The following DSCAML1 variants were observed in gnomAD, a reference collection of about 807,000 sequenced individuals.
DSCAML1 encodes the protein cell adhesion molecule DSCAML1.
DSCAML1 carries 38 observed loss-of-function variants against 200.5 expected under a neutral mutation model. The observed-to-expected ratio is 0.19, with a 90% CI of 0.15 to 0.25. DSCAML1 has a LOEUF of 0.25. DSCAML1 is among the 10% of genes least tolerant of loss of function. The probability of loss-of-function intolerance (pLI) is 1.00; values close to 1 mark genes in which losing one functional copy is unlikely to be tolerated. For synonymous variants in DSCAML1, 1,215 were observed against 1,165.0 expected (o/e 1.04, Z -0.87); for missense variants, 2,223 against 2,858.8 (o/e 0.78, Z 5.07).
intron 4 of DSCAML1, among the ~76,000 whole-genome samples, chr11:117,525,489 A>G (rs2137326361): frequency 6.6e-6 from 1 of 151,698 alleles, no homozygotes; most frequent in East Asian, 1.9e-4. Context: ...TGGAGTCTCA[A>G]TCACTCTGTC....
chr11:117,477,093 G>C (rs182070597), intron 14 of DSCAML1, among the ~76,000 whole-genome samples: 1 of 152,136 alleles, frequency 6.6e-6, no homozygotes, highest in African/African-American at 2.4e-5. Context: ...AAGATGTTAA[G>C]TACTCGCTAA....
At chr11:117,455,563 C>T (rs1421417100) in intron 19 of DSCAML1, among the ~76,000 whole-genome samples, 1 of 152,226 alleles carries the variant, frequency 6.6e-6, no homozygotes, top group Non-Finnish European at 1.5e-5. Context: ...TGAAACCACG[C>T]TCAGACTGAG....
chr11:117,655,985 G>C (rs950835794), intron 3 of DSCAML1, among the ~76,000 whole-genome samples: 8 of 152,186 alleles, frequency 5.3e-5, no homozygotes, highest in African/African-American at 1.9e-4. Context: ...GTTGTAAAGA[G>C]AGCACTGGCA....
chr11:117,732,640 G>A lies in DSCAML1; in HGVS notation c.511+44151C>T, dbSNP rs369846092. Among the ~76,000 whole-genome samples, 13 of 152,224 alleles carry A rather than the reference G, an allele frequency of 8.5e-5. No individual in the cohort carries two copies. The East Asian group carries it at 1.5e-3, about 18-fold the overall frequency. ...TGGGCCCACCTCAAACCCAGCCTCC[G>A]GACAGAAGGACCAGGCTGCTGTCAC... On this transcript the variant is annotated intron_variant, in intron 3 of 32. Transcript: ENST00000651296.
At chr11:117,441,017 C>T (rs1349611292) in intron 21 of DSCAML1, among the ~76,000 whole-genome samples, 1 of 150,936 alleles carries the variant, frequency 6.6e-6, no homozygotes, top group African/African-American at 2.4e-5. Flanking sequence ...TGGAGGGGGT[C>T]CTGGAGGACA....
intron 24 of DSCAML1, among the ~76,000 whole-genome samples, chr11:117,438,544 G>T (rs1362376155): frequency 6.6e-6 from 1 of 151,778 alleles, no homozygotes; most frequent in Non-Finnish European, 1.5e-5. Context: ...TTGTTACAAG[G>T]CCCCTTGGTG....
rs868129503 is a variant in DSCAML1, at chr11:117,467,193, A to C, written c.3025-2011T>G. On this transcript the variant is annotated intron_variant, in intron 16 of 32. Coordinates refer to ENST00000651296, the MANE Select transcript of DSCAML1 (RefSeq NM_020693.4). Reference sequence around the variant, plus strand: ...CGCGCACGCATGCGCGTGCACACACACCTCCCCCCTCCCCCCGCCGCCAAT... The same window carrying C: ...CGCGCACGCATGCGCGTGCACACACCCCTCCCCCCTCCCCCCGCCGCCAAT... 5.5e-3 allele frequency among the ~76,000 whole-genome samples: 606 copies of C among 109,224 alleles called. 10 individuals are homozygous for C. The highest frequency in any genetic ancestry group is 0.014 in the African/African-American group (324 of 22,500). 71.7% of individuals were successfully genotyped at this position (109,224 alleles called of 152,430 possible). A position where few individuals can be genotyped will look rare whatever the true frequency, so the allele number is the denominator to read the frequency against.
At chr11:117,523,758 AAG>A (rs1180090418) in intron 5 of DSCAML1, among the ~76,000 whole-genome samples, 2 of 152,118 alleles carry the variant, frequency 1.3e-5, no homozygotes, top group African/African-American at 2.4e-5. Flanking sequence ...GGGAGGTGGG[AAG>A]AGAGTTTCTT....
chr11:117,722,101 GCTT>G (rs1213545217), intron 3 of DSCAML1, among the ~76,000 whole-genome samples: 1 of 152,048 alleles, frequency 6.6e-6, no homozygotes, highest in Non-Finnish European at 1.5e-5. Context: ...TTCAACATCA[GCTT>G]CTTCTCTGCT....
intron 3 of DSCAML1, among the ~76,000 whole-genome samples, chr11:117,631,884 C>T (rs898944376): frequency 1.3e-5 from 2 of 152,200 alleles, no homozygotes; most frequent in African/African-American, 4.8e-5. Context: ...GAGAGAAGGT[C>T]TATAGACAGG....
intron 3 of DSCAML1, among the ~76,000 whole-genome samples, chr11:117,705,894 C>T (rs572590050): frequency 4.1e-4 from 63 of 152,262 alleles, no homozygotes; most frequent in African/African-American, 1.3e-3. Flanking sequence ...GGGTCAAATA[C>T]GTGCCTTGCA....
intron 3 of DSCAML1, among the ~76,000 whole-genome samples, chr11:117,734,686 G>C (rs188067847): frequency 5.0e-4 from 76 of 152,276 alleles, no homozygotes; most frequent in Middle Eastern, 6.8e-3. Flanking sequence ...AAGCTCCAGA[G>C]GGGGCAGGGA....
At chr11:117,600,819 C>T (rs1163406854) in intron 3 of DSCAML1, among the ~76,000 whole-genome samples, 4 of 152,136 alleles carry the variant, frequency 2.6e-5, no homozygotes, top group Admixed American at 2.0e-4. Context: ...GGCCCAGAAC[C>T]TTTCCTTCTG....
At chr11:117,603,564 G>C (rs1412059175) in intron 3 of DSCAML1, among the ~76,000 whole-genome samples, 1 of 152,210 alleles carries the variant, frequency 6.6e-6, no homozygotes, top group Non-Finnish European at 1.5e-5. Flanking sequence ...CTGACACACA[G>C]CAAACACTCA....
intron 1 of DSCAML1, among the ~76,000 whole-genome samples, chr11:117,792,399 T>C (rs987952034): frequency 9.2e-5 from 14 of 151,782 alleles, no homozygotes; most frequent in Non-Finnish European, 1.9e-4. Context: ...GCCACTCAGC[T>C]CTCCTGAAGT....
chr11:117,797,310 G>A, upstream of DSCAML1: 8 of 1,309,130 alleles, frequency 6.1e-6, no homozygotes, highest in Non-Finnish European at 6.8e-6. Context: ...GCGGCACCCC[G>A]GGTGGTGAGC....
intron 3 of DSCAML1, among the ~76,000 whole-genome samples, chr11:117,672,102 G>GAAAAAAAAAAAAAAAAAAAAAAA (rs71037491): frequency 4.2e-5 from 4 of 94,482 alleles, no homozygotes; most frequent in African/African-American, 1.9e-4. Context: ...CTCCAGCTCA[G>GAAAAAAAAAAAAAAAAAAAAAAA]AAAAAAAAAA....
intron 5 of DSCAML1, among the ~76,000 whole-genome samples, chr11:117,524,413 C>T (rs142497749): frequency 2.2e-4 from 33 of 152,326 alleles, no homozygotes; most frequent in African/African-American, 6.7e-4. Context: ...TCCCTTAGTT[C>T]GGACACTACC....
intron 3 of DSCAML1, among the ~76,000 whole-genome samples, chr11:117,731,591 C>T (rs1055313058): frequency 3.9e-5 from 6 of 152,146 alleles, no homozygotes; most frequent in Admixed American, 3.3e-4. Flanking sequence ...CCCCTGGATC[C>T]CCCCAGAAGC....
Sources: gnomAD v4.1 joint callset for allele counts (sites outside exome capture counted in the v4.1 genomes callset) on GRCh38, gnomAD v4.1.1 for gene constraint, MANE v1.5 for transcripts, NCBI Gene and HGNC (gene_info 2026-07-23, HGNC 2026-07-21) for gene names.